Variants in ABCA4 observed in about 807,000 individuals in gnomAD.
ABCA4 encodes the protein ATP binding cassette subfamily A member 4, also known as retinal-specific phospholipid-transporting ATPase ABCA4.
ABCA4 carries 196 observed loss-of-function variants against 263.7 expected under a neutral mutation model. The observed-to-expected ratio is 0.74, with a 90% CI of 0.66 to 0.84. The LOEUF is 0.84. ABCA4 is among the 40% of genes least tolerant of loss of function. ABCA4 has a pLI of 0.00. For missense variants in ABCA4, 2,792 were observed against 2,855.1 expected, an observed-to-expected ratio of 0.98 and a Z score of 0.50; for synonymous variants, 1,133 against 1,094.2, an observed-to-expected ratio of 1.04 and a Z score of -0.70.
chr1:94,047,689 T>A (rs1660725519), intron 18 of ABCA4, among the ~76,000 whole-genome samples: 1 of 152,170 alleles, frequency 6.6e-6, no homozygotes, highest in Non-Finnish European at 1.5e-5. Context: ...AATCTTTGAG[T>A]TGACTTTGAC....
At chr1:94,083,555 G>A (rs766410365) in intron 6 of ABCA4, 114 bp from the exon 7 acceptor site, 32 of 735,272 alleles carry the variant, frequency 4.4e-5, no homozygotes, top group Non-Finnish European at 7.3e-5. Flanking sequence ...CCTTCTTTCT[G>A]ATCGCAGGAT....
chr1:93,999,237 G>T (rs981274172), intron 47 of ABCA4, among the ~76,000 whole-genome samples: 1 of 151,942 alleles, frequency 6.6e-6, no homozygotes, highest in Non-Finnish European at 1.5e-5. Context: ...GTAGAGACAG[G>T]GTTTCACCGT....
rs56086814 is a variant in ABCA4, at chr1:93,997,800, C to T, written c.6729+61G>A. The T allele has an allele frequency of 0.018, 29,618 of 1,609,370 alleles. 327 individuals carry two copies. The highest frequency in any genetic ancestry group is 0.029 in the Middle Eastern group (170 of 5,824). On this transcript the variant is annotated intron_variant, in intron 48 of 49. Coordinates refer to ENST00000370225, the MANE Select transcript of ABCA4 (RefSeq NM_000350.3). ...TGCCTCCCTCTTATGGCAATTCCAA[C>T]CCACACTGGGTGTTCTGGACCAGTC...
At chr1:94,072,450 G>A (rs1267831419) in intron 11 of ABCA4, among the ~76,000 whole-genome samples, 1 of 152,114 alleles carries the variant, frequency 6.6e-6, no homozygotes, top group Non-Finnish European at 1.5e-5. Flanking sequence ...TGTGAACTCT[G>A]AATAGTATTT....
intron 19 of ABCA4, among the ~76,000 whole-genome samples, chr1:94,046,297 AAAAAAAATAC>A (rs1476751148): frequency 7.7e-6 from 1 of 129,872 alleles, no homozygotes; most frequent in Non-Finnish European, 1.8e-5. Flanking sequence ...AAAAAAAAAA[AAAAAAAATAC>A]AAAAATTAGC....
chr1:94,106,195 G>A (rs892758703), intron 4 of ABCA4, among the ~76,000 whole-genome samples: 4 of 152,206 alleles, frequency 2.6e-5, no homozygotes, highest in African/African-American at 7.2e-5. Context: ...TGCTCTGTTA[G>A]GGACTTCTCA....
In ABCA4 at chr1:94,066,667, C is replaced by T. The variant is rs148308288; in HGVS notation, c.1555-3350G>A. On this transcript the variant is annotated intron_variant, in intron 11 of 49. Transcript: ENST00000370225. Reference sequence around the variant, plus strand: ...GGTCAATCTAGGTCAGAAGCAGAGCCTGCATCCGTGTCTTCAGTGCTGAGC... The same window carrying T: ...GGTCAATCTAGGTCAGAAGCAGAGCTTGCATCCGTGTCTTCAGTGCTGAGC... Among the ~76,000 whole-genome samples, 650 of 152,346 alleles carry T rather than the reference C, an allele frequency of 4.3e-3. 5 individuals carry two copies. The highest frequency in any genetic ancestry group is 0.015 in the African/African-American group (627 of 41,570).
At chr1:94,111,374 G>T in intron 3 of ABCA4, 64 bp downstream of exon 3, 1 of 1,589,176 alleles carries the variant, frequency 6.3e-7, no homozygotes, top group Admixed American at 1.7e-5. Flanking sequence ...ACGCACGTGT[G>T]CATTTCAGCA....
intron 49 of ABCA4, among the ~76,000 whole-genome samples, chr1:93,994,405 A>G (rs1658943715): frequency 6.6e-6 from 1 of 152,246 alleles, no homozygotes; most frequent in African/African-American, 2.4e-5. Flanking sequence ...GTCCTGGCTC[A>G]CAATTTGGAG....
chr1:94,119,381 C>A (rs373337697), intron 1 of ABCA4, among the ~76,000 whole-genome samples: 14 of 152,194 alleles, frequency 9.2e-5, no homozygotes, highest in East Asian at 3.8e-4. Context: ...AGCCTCCCTG[C>A]GTCCTGGGCC....
chr1:94,079,342 C>T lies in ABCA4; in HGVS notation c.1219G>A (p.Ala407Thr), dbSNP rs1169001202. ...CTTACATTCTTCAGTATCCTTCGTG[C>T]TGCAGGTGAATCAGGAGTGTACAGG... is the stretch of plus-strand genomic sequence containing the variant. ...KILYTPDSPA[A>T]RRILKNANST... Residue 407 changes from alanine (A) to threonine (T), a missense_variant, in exon 9 of 50, where the codon GCA becomes ACA. Transcript: ENST00000370225. 4 of 1,614,012 alleles carry T rather than the reference C, an allele frequency of 2.5e-6. No homozygotes were observed. Among genetic ancestry groups the T allele is most frequent in the East Asian group, 4.5e-5 (2 of 44,886 alleles).
At chr1:94,008,150 G>T in intron 42 of ABCA4, 85 bp downstream of exon 42, 1 of 1,255,030 alleles carries the variant, frequency 8.0e-7, no homozygotes, top group South Asian at 1.2e-5. Context: ...TGTTCCTATT[G>T]AATAGCTCTG....
intron 7 of ABCA4, 128 bp from the exon 8 acceptor site, chr1:94,080,846 C>A: frequency 7.1e-7 from 1 of 1,405,012 alleles, no homozygotes; most frequent in Non-Finnish European, 9.9e-7. Flanking sequence ...TCTCAGCAAT[C>A]CTTAATCCAG....
intron 6 of ABCA4, among the ~76,000 whole-genome samples, chr1:94,088,836 G>A (rs1273385621): frequency 1.1e-5 from 1 of 87,804 alleles, no homozygotes. Context: ...GCATCTAAGA[G>A]GGGGTAGGAG....
In ABCA4 at chr1:94,000,812, G is replaced by A. The variant is rs1439910612; in HGVS notation, c.6479+24C>T. 14 of 1,611,946 alleles carry A rather than the reference G, an allele frequency of 8.7e-6. No individual in the cohort carries two copies. The African/African-American group carries it at 1.1e-4, about 12-fold the overall frequency. On this transcript the variant is annotated intron_variant, in intron 47 of 49. Coordinates refer to ENST00000370225, the MANE Select transcript of ABCA4 (RefSeq NM_000350.3). Reference sequence around the variant, plus strand: ...AGGTGGATCCACAGAAGGCAACAAGGGGCACGCCCCACCATCTGCTTACTT... The same window carrying A: ...AGGTGGATCCACAGAAGGCAACAAGAGGCACGCCCCACCATCTGCTTACTT...
At chr1:94,080,841 GC>G in intron 7 of ABCA4, 123 bp from the exon 8 acceptor site, 2 of 1,427,958 alleles carry the variant, frequency 1.4e-6, no homozygotes, top group Non-Finnish European at 1.9e-6. Flanking sequence ...TATATTCTCA[GC>G]AATCCTTAAT....
In ABCA4 at chr1:93,992,994, T is replaced by C; in HGVS notation, c.*243A>G. The C allele has an allele frequency of 1.7e-6, 1 of 571,948 alleles. No individual in the cohort carries two copies. The highest frequency in any genetic ancestry group is 3.1e-6 in the Non-Finnish European group (1 of 321,318). The allele number at this position is 571,948 out of a possible 1,614,324, so 35.4% of individuals were successfully genotyped here. On this transcript the variant is annotated 3_prime_UTR_variant, in exon 50 of 50. Coordinates refer to ENST00000370225, the MANE Select transcript of ABCA4 (RefSeq NM_000350.3). ...GCCCGGGGTTTCTAGTTCTGGGGTCTGGAGAAGGATTTTGTATTTGTTTGG... is the reference window on the plus strand; with the variant it reads ...GCCCGGGGTTTCTAGTTCTGGGGTCCGGAGAAGGATTTTGTATTTGTTTGG...
rs562462629 is a variant in ABCA4, at chr1:94,005,818, C to T, written c.6006-236G>A. On this transcript the variant is annotated intron_variant, in intron 43 of 49. Transcript: ENST00000370225. ...TCTAGGATTAATTGAATCCCTGTTA[C>T]GCCAAAAGTCAGCTTTCATTTTGGA... 3.4e-4 allele frequency among the ~76,000 whole-genome samples: 52 copies of T among 152,268 alleles called. 1 individual carries two copies. The highest frequency in any genetic ancestry group is 2.9e-3 in the Admixed American group (44 of 15,296).
At chr1:93,993,981 A>G (rs1011240690) in intron 49 of ABCA4, among the ~76,000 whole-genome samples, 1 of 152,048 alleles carries the variant, frequency 6.6e-6, no homozygotes, top group Non-Finnish European at 1.5e-5. Flanking sequence ...ACATCCTCTT[A>G]AGAGGATGAC....
Sources: gnomAD v4.1 joint callset for allele counts (sites outside exome capture counted in the v4.1 genomes callset) on GRCh38, gnomAD v4.1.1 for gene constraint, MANE v1.5 for transcripts, NCBI Gene and HGNC (gene_info 2026-07-23, HGNC 2026-07-21) for gene names.